Variants in GRIK2 observed in about 807,000 individuals in gnomAD.
GRIK2 encodes the protein glutamate receptor ionotropic, kainate 2.
Under a neutral mutation model 100.3 loss-of-function variants are expected in GRIK2, and 32 were observed. The ratio of observed to expected loss-of-function variants is 0.32; its 90% confidence interval spans 0.24 to 0.43. GRIK2 has a LOEUF of 0.43. Ranked by LOEUF, GRIK2 falls within the 20% of genes least tolerant of loss-of-function variation. The pLI, the probability that GRIK2 is intolerant of heterozygous loss-of-function variation, is 1.00. For synonymous variants in GRIK2, 417 were observed against 389.4 expected (o/e 1.07, Z -0.83); for missense variants, 843 against 1,114.9 (o/e 0.76, Z 3.47).
intron 2 of GRIK2, among the ~76,000 whole-genome samples, chr6:101,595,586 A>G (rs1001221201): frequency 1.3e-5 from 2 of 151,406 alleles, no homozygotes; most frequent in African/African-American, 4.8e-5. Flanking sequence ...ATATGTGTAT[A>G]TATATACACA....
intron 7 of GRIK2, among the ~76,000 whole-genome samples, chr6:101,693,443 A>G (rs1464885842): frequency 2.0e-5 from 3 of 151,956 alleles, no homozygotes; most frequent in Non-Finnish European, 4.4e-5. Flanking sequence ...GGAGAAAAAA[A>G]AAAAACTTTA....
At chr6:101,713,455 A>T (rs1172196876) in intron 7 of GRIK2, among the ~76,000 whole-genome samples, 12 of 151,776 alleles carry the variant, frequency 7.9e-5, no homozygotes, top group Non-Finnish European at 1.3e-4. Context: ...CTGTTTCATT[A>T]AAAAAATGGA....
intron 2 of GRIK2, among the ~76,000 whole-genome samples, chr6:101,506,528 G>A (rs528940033): frequency 6.6e-6 from 1 of 152,184 alleles, no homozygotes; most frequent in African/African-American, 2.4e-5. Context: ...TTGACTTTAT[G>A]TATAGCAGAT....
intron 10 of GRIK2, among the ~76,000 whole-genome samples, chr6:101,856,358 G>A (rs533821724): frequency 1.5e-4 from 23 of 152,266 alleles, no homozygotes; most frequent in African/African-American, 5.5e-4. Flanking sequence ...TTTGGGACAT[G>A]TTAAATGTGA....
chr6:101,909,377 T>TTTTTTG (rs1554284509), intron 12 of GRIK2, among the ~76,000 whole-genome samples: 1 of 116,154 alleles, frequency 8.6e-6, no homozygotes, highest in African/African-American at 3.1e-5. Context: ...TAGGGTTTTC[T>TTTTTTG]TTTTCTTTTT....
intron 14 of GRIK2, among the ~76,000 whole-genome samples, chr6:101,968,922 C>T (rs1792868351): frequency 6.6e-6 from 1 of 151,702 alleles, no homozygotes; most frequent in Non-Finnish European, 1.5e-5. Context: ...TACATTTGTC[C>T]AATTGTGGGC....
At chr6:101,422,518 T>C (rs1776458122) in intron 2 of GRIK2, among the ~76,000 whole-genome samples, 1 of 152,150 alleles carries the variant, frequency 6.6e-6, no homozygotes, top group African/African-American at 2.4e-5. Flanking sequence ...TGATTCCCAA[T>C]GTTTAACAGC....
At chr6:101,591,526 T>C (rs1341476359) in intron 2 of GRIK2, among the ~76,000 whole-genome samples, 2 of 152,092 alleles carry the variant, frequency 1.3e-5, no homozygotes, top group Admixed American at 1.3e-4. Context: ...TTATTTTTTC[T>C]CTCATTTTCT....
chr6:101,472,202 G>A (rs1339896693), intron 2 of GRIK2, among the ~76,000 whole-genome samples: 1 of 151,492 alleles, frequency 6.6e-6, no homozygotes, highest in East Asian at 1.9e-4. Context: ...TGCATTTTTT[G>A]TAAAGCTTCT....
intron 16 of GRIK2, among the ~76,000 whole-genome samples, chr6:102,060,034 T>C (rs1190653335): frequency 1.3e-5 from 2 of 150,454 alleles, no homozygotes; most frequent in Non-Finnish European, 3.0e-5. Flanking sequence ...ATTGCTCAGA[T>C]ACTGAATTTG....
chr6:101,799,571 C>A, intron 7 of GRIK2, 77 bp from the exon 8 acceptor site: 2 of 1,143,132 alleles, frequency 1.7e-6, no homozygotes, highest in Non-Finnish European at 1.3e-6. Context: ...CCTCTTCCCT[C>A]TTCCTCCTTG....
chr6:102,065,300 A>G (rs2852619), intron 16 of GRIK2, among the ~76,000 whole-genome samples: 44,696 of 150,950 alleles, frequency 0.3, 6,717 homozygotes, highest in East Asian at 0.34. Flanking sequence ...AATTGATTAG[A>G]ATGGGCTTTT....
intron 2 of GRIK2, among the ~76,000 whole-genome samples, chr6:101,555,085 T>C (rs1051550076): frequency 2.0e-5 from 3 of 152,196 alleles, no homozygotes; most frequent in Non-Finnish European, 2.9e-5. Context: ...AAATATGCTG[T>C]TCAGACTCCT....
intron 2 of GRIK2, among the ~76,000 whole-genome samples, chr6:101,520,145 T>C (rs1000743850): frequency 4.1e-5 from 6 of 145,074 alleles, no homozygotes; most frequent in African/African-American, 1.6e-4. Flanking sequence ...GTGTATGGAA[T>C]AATCAATTAC....
intron 10 of GRIK2, among the ~76,000 whole-genome samples, chr6:101,858,376 A>T (rs867088014): frequency 6.2e-3 from 772 of 124,668 alleles, no homozygotes; most frequent in Middle Eastern, 0.029. Context: ...CTCTCTCTCT[A>T]TTTTTTTTTC....
intron 7 of GRIK2, chr6:101,745,115 G>T (rs73761404): frequency 1.3e-5 from 2 of 152,070 alleles, no homozygotes; most frequent in African/African-American, 2.4e-5. Flanking sequence ...CTAACATAAG[G>T]ATTAATAAAC....
At chr6:101,891,894 T>C (rs998690381) in intron 12 of GRIK2, among the ~76,000 whole-genome samples, 4 of 152,146 alleles carry the variant, frequency 2.6e-5, no homozygotes, top group Non-Finnish European at 4.4e-5. Context: ...ATCTTTTTTA[T>C]AGTGACAGAC....
At chr6:102,011,338 C>G (rs962205908) in intron 14 of GRIK2, among the ~76,000 whole-genome samples, 1 of 152,066 alleles carries the variant, frequency 6.6e-6, no homozygotes, top group Non-Finnish European at 1.5e-5. Flanking sequence ...CTATCCATAG[C>G]TCTTCCTTGG....
chr6:101,743,886 G>A (rs1203300819), intron 7 of GRIK2, among the ~76,000 whole-genome samples: 9 of 152,032 alleles, frequency 5.9e-5, no homozygotes, highest in African/African-American at 2.2e-4. Context: ...TTCTTTAGTG[G>A]TGATTTCTGA....
Sources: allele counts gnomAD v4.1 joint callset (sites outside exome capture counted in the v4.1 genomes callset), GRCh38; gene constraint gnomAD v4.1.1; transcripts MANE v1.5; gene names NCBI Gene and HGNC (gene_info 2026-07-23, HGNC 2026-07-21).